MORC3: variants seen among roughly 807,000 people sequenced by gnomAD.
MORC3 encodes the protein MORC family CW-type zinc finger 3.
Under a neutral mutation model 109.1 loss-of-function variants are expected in MORC3, and 31 were observed. That is an observed-to-expected ratio of 0.28 (90% CI 0.21 to 0.38). The LOEUF is 0.38. MORC3 is among the 10% of genes least tolerant of loss of function. MORC3 has a pLI of 1.00. For missense variants in MORC3, 867 were observed against 1,135.8 expected (o/e 0.76, Z 3.40); for synonymous variants, 395 against 380.7 (o/e 1.04, Z -0.44).
chr21:36,363,811 T>C (rs1309317842), intron 13 of MORC3, among the ~76,000 whole-genome samples: 1 of 152,220 alleles, frequency 6.6e-6, no homozygotes. Flanking sequence ...GTAAATCTTT[T>C]TGGCTTTGTG....
intron 9 of MORC3, among the ~76,000 whole-genome samples, chr21:36,352,993 C>T (rs1296288770): frequency 6.6e-6 from 1 of 151,054 alleles, no homozygotes; most frequent in Non-Finnish European, 1.5e-5. Flanking sequence ...AAAAGAAAAC[C>T]ATCTATTAAC....
Position 36,369,309 on chromosome 21 carries a change from A to G in MORC3, c.1941A>G (p.Leu647=), listed in dbSNP as rs776323179. The stretch of plus-strand genomic sequence containing the variant: ...CTACCCAGACTGAAGTACCAAGTTT[A>G]GTTGTTAAAAAAGAAGAAACTGTTG... ...TAATQTEVPS[L]VVKKEETVED... is the part of the protein sequence containing the mutation. The change falls in exon 15 of 17, where the codon TTA becomes TTG. Residue 647 remains leucine, a synonymous_variant. Transcript: ENST00000400485. The G allele has an allele frequency of 6.8e-6, 11 of 1,614,214 alleles. No individual in the cohort carries two copies. The East Asian group carries it at 1.6e-4, about 23-fold the overall frequency.
chr21:36,342,485 C>T (rs2085460540), intron 6 of MORC3, among the ~76,000 whole-genome samples: 1 of 152,070 alleles, frequency 6.6e-6, no homozygotes, highest in South Asian at 2.1e-4. Flanking sequence ...TCACTGCAGC[C>T]TCTGCCTCCT....
chr21:36,346,370 A>T (rs911772479), intron 8 of MORC3, among the ~76,000 whole-genome samples: 1 of 152,118 alleles, frequency 6.6e-6, no homozygotes, highest in African/African-American at 2.4e-5. Flanking sequence ...TGGGGACAGA[A>T]TATTTCTTTT....
intron 7 of MORC3, 53 bp from the exon 8 acceptor site, chr21:36,344,859 A>G (rs2085490525): frequency 6.2e-7 from 1 of 1,605,300 alleles, no homozygotes; most frequent in Non-Finnish European, 8.5e-7. Flanking sequence ...AATAGAAAGG[A>G]TGATTTGAAC....
chr21:36,342,427 G>A (rs185892671), intron 6 of MORC3, among the ~76,000 whole-genome samples: 2 of 151,972 alleles, frequency 1.3e-5, no homozygotes, highest in African/African-American at 4.8e-5. Context: ...TTAGGTCTTT[G>A]GGTGTCACTC....
intron 9 of MORC3, among the ~76,000 whole-genome samples, chr21:36,353,395 CGTGGCTCAGGCCGGTGCG>C (rs924035786): frequency 6.7e-6 from 1 of 148,368 alleles, no homozygotes; most frequent in African/African-American, 2.5e-5. Context: ...GGCCGGGTGC[CGTGGCTCAGGCCGGTGCG>C]GTGGCTCACA....
In MORC3 at chr21:36,320,246, G is replaced by C; in HGVS notation, c.-19G>C. 1 of 1,579,322 alleles carries C rather than the reference G, an allele frequency of 6.3e-7. No homozygotes were observed. Among genetic ancestry groups the C allele is most frequent in the African/African-American group, 1.4e-5 (1 of 74,062 alleles). On this transcript the variant is annotated 5_prime_UTR_variant, in exon 1 of 17. Transcript: ENST00000400485. ...CGGGTTGCGGCGGAGGCCGTTCCTG[G>C]CTTTGTAGCTCGCTCAAGATGGCGG...
intron 10 of MORC3, among the ~76,000 whole-genome samples, chr21:36,357,148 G>C (rs1377594425): frequency 6.6e-6 from 1 of 152,142 alleles, no homozygotes; most frequent in Admixed American, 6.6e-5. Flanking sequence ...GGAACATTAA[G>C]AGCATTTGCC....
intron 14 of MORC3, among the ~76,000 whole-genome samples, chr21:36,366,089 A>G (rs1271619472): frequency 6.6e-6 from 1 of 152,148 alleles, no homozygotes; most frequent in Non-Finnish European, 1.5e-5. Flanking sequence ...ACATGGGTAT[A>G]TGGCGTGATC....
At chr21:36,323,368 A>G (rs1021235830) in intron 1 of MORC3, among the ~76,000 whole-genome samples, 2 of 152,212 alleles carry the variant, frequency 1.3e-5, no homozygotes, top group South Asian at 2.1e-4. Context: ...AATGTTGGCA[A>G]TAATAATCTT....
chr21:36,331,327 G>A (rs990513379), intron 1 of MORC3, among the ~76,000 whole-genome samples: 8 of 151,978 alleles, frequency 5.3e-5, no homozygotes, highest in Non-Finnish European at 7.4e-5. Context: ...GGCCAGGCAC[G>A]GTGGCTCATG....
At chr21:36,373,023 A>G (rs1035732871) in intron 16 of MORC3, among the ~76,000 whole-genome samples, 2 of 152,164 alleles carry the variant, frequency 1.3e-5, no homozygotes, top group Admixed American at 1.3e-4. Context: ...AGTACAGATG[A>G]TATTAGGAAG....
chr21:36,335,948 G>A (rs972731730), intron 2 of MORC3, among the ~76,000 whole-genome samples: 1 of 151,634 alleles, frequency 6.6e-6, no homozygotes, highest in African/African-American at 2.4e-5. Flanking sequence ...TTTTTGAGAC[G>A]GAGTCTCGCT....
In MORC3 at chr21:36,326,648, G is replaced by A. The variant is rs117407761; in HGVS notation, c.39+6345G>A. On this transcript the variant is annotated intron_variant, in intron 1 of 16. Coordinates refer to ENST00000400485, the MANE Select transcript of MORC3 (RefSeq NM_015358.3). ...TTGAGATGCATTCTCTGAGAATAAG[G>A]GGAGACTGCTGTACTCCTATCAGTG... Among the ~76,000 whole-genome samples, 663 of 152,166 alleles carry A rather than the reference G, an allele frequency of 4.4e-3. 3 individuals carry two copies. The highest frequency in any genetic ancestry group is 6.3e-3 in the Non-Finnish European group (429 of 68,010).
chr21:36,367,878 A>T (rs1034420285), intron 14 of MORC3, among the ~76,000 whole-genome samples: 1 of 152,244 alleles, frequency 6.6e-6, no homozygotes, highest in African/African-American at 2.4e-5. Context: ...TAATTTTTCA[A>T]CCCGGAAGCC....
intron 4 of MORC3, among the ~76,000 whole-genome samples, 171 bp from the exon 5 acceptor site, chr21:36,338,602 TC>T (rs1374450067): frequency 6.6e-6 from 1 of 151,822 alleles, no homozygotes; most frequent in Non-Finnish European, 1.5e-5. Flanking sequence ...TTAGCCCTGA[TC>T]ATGTTACTGC....
At chr21:36,352,725 C>T (rs1377386045) in intron 9 of MORC3, among the ~76,000 whole-genome samples, 7 of 152,218 alleles carry the variant, frequency 4.6e-5, no homozygotes, top group Non-Finnish European at 2.9e-5. Context: ...ATTAGGGGGA[C>T]TGACTACCCC....
chr21:36,346,317 C>A (rs2085507026), intron 8 of MORC3, among the ~76,000 whole-genome samples: 1 of 152,194 alleles, frequency 6.6e-6, no homozygotes, highest in South Asian at 2.1e-4. Flanking sequence ...ATGCGCTCGG[C>A]CTAGTATATT....
Sources: gnomAD v4.1 joint callset for allele counts (sites outside exome capture counted in the v4.1 genomes callset) on GRCh38, gnomAD v4.1.1 for gene constraint, MANE v1.5 for transcripts, NCBI Gene and HGNC (gene_info 2026-07-23, HGNC 2026-07-21) for gene names.